The following ATXN1 variants were observed in gnomAD, a reference collection of about 807,000 sequenced individuals.
ATXN1 encodes the protein ataxin-1.
Under a neutral mutation model 56.4 loss-of-function variants are expected in ATXN1, and 8 were observed. The ratio of observed to expected loss-of-function variants is 0.14; its 90% CI spans 0.08 to 0.26. The LOEUF (loss-of-function observed/expected upper bound fraction) is 0.26, where lower values mean the gene tolerates loss of function less well. Among genes scored for constraint, ATXN1 ranks in the 10% least tolerant of loss-of-function variants. ATXN1 has a pLI of 1.00. For synonymous variants in ATXN1, 514 were observed against 494.6 expected (o/e 1.04, Z -0.52); for missense variants, 987 against 1,106.5 (o/e 0.89, Z 1.53).
intron 2 of ATXN1, among the ~76,000 whole-genome samples, chr6:16,746,728 T>C (rs554779708): frequency 6.6e-6 from 1 of 152,234 alleles, no homozygotes; most frequent in East Asian, 1.9e-4. Flanking sequence ...ACTTACTCTA[T>C]AAATAATGAC....
intron 2 of ATXN1, among the ~76,000 whole-genome samples, chr6:16,724,264 T>A (rs145017131): frequency 6.6e-6 from 1 of 152,100 alleles, no homozygotes; most frequent in Non-Finnish European, 1.5e-5. Flanking sequence ...TCCTTCAGTA[T>A]GAATCGAGAG....
At chr6:16,405,743 T>A (rs1459024780) in intron 6 of ATXN1, among the ~76,000 whole-genome samples, 1 of 152,204 alleles carries the variant, frequency 6.6e-6, no homozygotes, top group Non-Finnish European at 1.5e-5. Flanking sequence ...TTGCAGCTCA[T>A]CCTGTCCTTG....
chr6:16,347,264 G>C (rs1019885808), intron 6 of ATXN1, among the ~76,000 whole-genome samples: 1 of 152,048 alleles, frequency 6.6e-6, no homozygotes, highest in African/African-American at 2.4e-5. Flanking sequence ...TACTGCCTCT[G>C]TGAAGATCCA....
intron 2 of ATXN1, among the ~76,000 whole-genome samples, chr6:16,672,826 C>T (rs1007550420): frequency 7.2e-5 from 11 of 151,936 alleles, no homozygotes; most frequent in African/African-American, 2.7e-4. Flanking sequence ...TCGAGACCAG[C>T]CTGGCCAACA....
At chr6:16,403,730 A>T (rs182321264) in intron 6 of ATXN1, among the ~76,000 whole-genome samples, 2 of 152,226 alleles carry the variant, frequency 1.3e-5, no homozygotes, top group East Asian at 3.9e-4. Flanking sequence ...TGACCACTTC[A>T]TCTTCTTCTA....
At chr6:16,476,020 C>T (rs1760319957) in intron 6 of ATXN1, among the ~76,000 whole-genome samples, 1 of 152,094 alleles carries the variant, frequency 6.6e-6, no homozygotes, top group South Asian at 2.1e-4. Flanking sequence ...CAGGCATGCA[C>T]CACCATGCCC....
chr6:16,311,066 A>C (rs1023866076), intron 7 of ATXN1, among the ~76,000 whole-genome samples: 2 of 152,162 alleles, frequency 1.3e-5, no homozygotes, highest in Non-Finnish European at 2.9e-5. Context: ...TTACTGGGGG[A>C]AAGTTTCATT....
intron 4 of ATXN1, among the ~76,000 whole-genome samples, chr6:16,540,841 TG>T: frequency 6.6e-6 from 1 of 152,310 alleles, no homozygotes; most frequent in Middle Eastern, 3.4e-3. Flanking sequence ...TACTGAAAGG[TG>T]TTCAATACCG....
At chr6:16,612,993 C>T (rs1430302821) in intron 3 of ATXN1, among the ~76,000 whole-genome samples, 4 of 151,184 alleles carry the variant, frequency 2.6e-5, no homozygotes, top group African/African-American at 7.3e-5. Flanking sequence ...TGGCCGGGCG[C>T]GGTGGCTCAC....
At chr6:16,713,713 G>A (rs777351498) in intron 2 of ATXN1, among the ~76,000 whole-genome samples, 9 of 152,170 alleles carry the variant, frequency 5.9e-5, no homozygotes, top group Non-Finnish European at 8.8e-5. Flanking sequence ...TCAGTTTCAC[G>A]GAGGGATTTG....
At chr6:16,436,933 T>C (rs1323726650) in intron 6 of ATXN1, among the ~76,000 whole-genome samples, 1 of 152,112 alleles carries the variant, frequency 6.6e-6, no homozygotes, top group Non-Finnish European at 1.5e-5. Flanking sequence ...AGCCAAGAGA[T>C]GGTGGCACCG....
At chr6:16,354,306 G>T (rs1158013881) in intron 6 of ATXN1, among the ~76,000 whole-genome samples, 1 of 151,834 alleles carries the variant, frequency 6.6e-6, no homozygotes, top group Non-Finnish European at 1.5e-5. Context: ...CGCCCAGGCT[G>T]GAGTGCAGTG....
chr6:16,599,980 G>A (rs1286591142), intron 3 of ATXN1, among the ~76,000 whole-genome samples: 1 of 152,106 alleles, frequency 6.6e-6, no homozygotes, highest in Non-Finnish European at 1.5e-5. Context: ...GGGAAAGGTG[G>A]GAAACAATGT....
chr6:16,756,259 C>T (rs945408421), intron 1 of ATXN1, among the ~76,000 whole-genome samples: 5 of 151,796 alleles, frequency 3.3e-5, no homozygotes, highest in East Asian at 1.9e-4. Flanking sequence ...ATGTAATTAC[C>T]GTTCTTTCAG....
chr6:16,759,755 C>A (rs1189243816), intron 1 of ATXN1, among the ~76,000 whole-genome samples: 1 of 151,802 alleles, frequency 6.6e-6, no homozygotes, highest in Non-Finnish European at 1.5e-5. Flanking sequence ...CCTACTTCCA[C>A]CCCCACTAAG....
intron 6 of ATXN1, among the ~76,000 whole-genome samples, chr6:16,359,340 C>T (rs1296348565): frequency 1.3e-5 from 2 of 152,176 alleles, no homozygotes; most frequent in East Asian, 3.9e-4. Context: ...TTGGCACATA[C>T]TTCCTCCCCT....
chr6:16,482,856 T>C (rs937887617), intron 6 of ATXN1, among the ~76,000 whole-genome samples: 1 of 152,206 alleles, frequency 6.6e-6, no homozygotes, highest in African/African-American at 2.4e-5. Flanking sequence ...AATGAGGTAG[T>C]GCCAAATCAT....
At chr6:16,487,343 A>G (rs147294360) in intron 5 of ATXN1, among the ~76,000 whole-genome samples, 1 of 152,316 alleles carries the variant, frequency 6.6e-6, no homozygotes, top group African/African-American at 2.4e-5. Context: ...AAAAAACAAA[A>G]AAGAGTGGTC....
At chr6:16,646,280 T>C (rs2113825858) in intron 3 of ATXN1, among the ~76,000 whole-genome samples, 1 of 152,266 alleles carries the variant, frequency 6.6e-6, no homozygotes, top group East Asian at 1.9e-4. Flanking sequence ...GATAAGTAAA[T>C]TCCTGCTAAG....
Sources: allele counts gnomAD v4.1 joint callset (sites outside exome capture counted in the v4.1 genomes callset), GRCh38; gene constraint gnomAD v4.1.1; transcripts MANE v1.5; gene names NCBI Gene and HGNC (gene_info 2026-07-23, HGNC 2026-07-21).